The following SHANK2 variants were observed in gnomAD, a reference collection of about 807,000 sequenced individuals.
The protein encoded by SHANK2 is SH3 and multiple ankyrin repeat domains 2, also known as SH3 and multiple ankyrin repeat domains protein 2.
In SHANK2, 43 loss-of-function variants were observed where a neutral mutation model predicts 133.7. That is an observed-to-expected ratio of 0.32 (90% CI 0.25 to 0.41). SHANK2 has a LOEUF of 0.41. Ranked by LOEUF, SHANK2 falls within the 10% of genes least tolerant of loss-of-function variation. SHANK2 has a pLI of 1.00. For synonymous variants in SHANK2, 1,017 were observed against 952.8 expected (o/e 1.07, Z -1.24); for missense variants, 1,994 against 2,235.8 (o/e 0.89, Z 2.18).
In SHANK2 at chr11:70,757,252, C is replaced by T. The variant is rs77930841; in HGVS notation, c.1777+41191G>A. Among the ~76,000 whole-genome samples the T allele has an allele frequency of 7.3e-3, 1,118 of 152,350 alleles. 17 individuals carry two copies. Among genetic ancestry groups the T allele is most frequent in the African/African-American group, 0.026 (1,074 of 41,576 alleles). On this transcript the variant is annotated intron_variant, in intron 14 of 25. Coordinates refer to ENST00000601538, the MANE Select transcript of SHANK2 (RefSeq NM_012309.5). ...CCCAGCTTTGCCATTTATGAGCTGG[C>T]TGACCTTGAGCAAGGGGCTTACACT...
intron 17 of SHANK2, among the ~76,000 whole-genome samples, chr11:70,524,554 A>G (rs2059372156): frequency 6.6e-6 from 1 of 152,222 alleles, no homozygotes; most frequent in Non-Finnish European, 1.5e-5. Flanking sequence ...CCAGTGGTCC[A>G]CATGCACAGC....
At chr11:70,629,016 A>G (rs1555001038) in intron 17 of SHANK2, among the ~76,000 whole-genome samples, 2 of 152,206 alleles carry the variant, frequency 1.3e-5, no homozygotes, top group African/African-American at 4.8e-5. Context: ...AGTTGATTCC[A>G]GCCTGGGAGG....
chr11:70,474,423 C>T (rs1210416049), intron 25 of SHANK2: 1 of 152,292 alleles, frequency 6.6e-6, no homozygotes, highest in Non-Finnish European at 1.5e-5. Context: ...TTACTGGCCC[C>T]AGGGTGGTGG....
intron 10 of SHANK2, chr11:70,908,115 A>G: frequency 3.7e-6 from 1 of 268,882 alleles, no homozygotes; most frequent in South Asian, 3.6e-5. Context: ...GAAAAAAAAA[A>G]TCTTAATAAA....
chr11:70,801,442 C>T (rs782490011), intron 13 of SHANK2, among the ~76,000 whole-genome samples: 37 of 152,200 alleles, frequency 2.4e-4, no homozygotes, highest in Admixed American at 1.1e-3. Flanking sequence ...CCTGCTGGTC[C>T]TCTTCAGAGA....
intron 2 of SHANK2, among the ~76,000 whole-genome samples, chr11:71,165,305 A>G (rs541968384): frequency 6.6e-6 from 1 of 152,148 alleles, no homozygotes; most frequent in Non-Finnish European, 1.5e-5. Context: ...AAGTGCTGAG[A>G]TTACAGGCAT....
intron 12 of SHANK2, among the ~76,000 whole-genome samples, chr11:70,820,074 G>T (rs113751114): frequency 6.6e-6 from 1 of 152,258 alleles, no homozygotes; most frequent in African/African-American, 2.4e-5. Context: ...AACAGGACCC[G>T]AGAGGCCAGC....
intron 16 of SHANK2, among the ~76,000 whole-genome samples, chr11:70,660,993 C>T (rs1555013097): frequency 2.6e-5 from 4 of 152,242 alleles, no homozygotes; most frequent in Non-Finnish European, 5.9e-5. Flanking sequence ...GGCAGGTGCA[C>T]CGCCATGGAC....
chr11:71,151,824 G>T (rs373411592), intron 2 of SHANK2, among the ~76,000 whole-genome samples: 2 of 152,282 alleles, frequency 1.3e-5, no homozygotes, highest in Non-Finnish European at 2.9e-5. Context: ...GCTTCCAGGG[G>T]TGCATGTGTA....
intron 11 of SHANK2, among the ~76,000 whole-genome samples, chr11:70,850,849 C>T (rs1370376983): frequency 3.9e-5 from 6 of 152,228 alleles, no homozygotes; most frequent in East Asian, 1.9e-4. Context: ...AACAAGTACC[C>T]GAGAGTCCTG....
At chr11:70,793,710 G>T (rs1947846167) in intron 14 of SHANK2, among the ~76,000 whole-genome samples, 1 of 152,132 alleles carries the variant, frequency 6.6e-6, no homozygotes, top group Non-Finnish European at 1.5e-5. Context: ...GGAGCAACTG[G>T]AACTCTCACA....
At chr11:71,057,045 A>G (rs1590872851) in intron 9 of SHANK2, among the ~76,000 whole-genome samples, 1 of 152,124 alleles carries the variant, frequency 6.6e-6, no homozygotes, top group African/African-American at 2.4e-5. Flanking sequence ...TCCCAAAACA[A>G]TAATATTGGC....
At chr11:71,217,213 A>G (rs574098304) in intron 2 of SHANK2, among the ~76,000 whole-genome samples, 2 of 151,778 alleles carry the variant, frequency 1.3e-5, no homozygotes, top group African/African-American at 4.8e-5. Context: ...AAAATAAGAG[A>G]GTAAACTAGG....
At chr11:70,744,974 A>G (rs1297015244) in intron 14 of SHANK2, among the ~76,000 whole-genome samples, 1 of 152,230 alleles carries the variant, frequency 6.6e-6, no homozygotes, top group African/African-American at 2.4e-5. Flanking sequence ...TGAAGGCACA[A>G]GAGGACAGAC....
chr11:70,584,081 G>T (rs1237361759), intron 17 of SHANK2, among the ~76,000 whole-genome samples: 1 of 152,146 alleles, frequency 6.6e-6, no homozygotes, highest in African/African-American at 2.4e-5. Context: ...TCAATTATCG[G>T]CCGTGATGGC....
chr11:70,738,778 G>A (rs188684600), intron 14 of SHANK2, among the ~76,000 whole-genome samples: 32 of 152,328 alleles, frequency 2.1e-4, no homozygotes, highest in African/African-American at 5.8e-4. Context: ...GAAGCCGCCC[G>A]CCTCTTTGGA....
At position 71,201,244 on chromosome 11, in the gene SHANK2, C is replaced by T. The variant is rs115991501; in HGVS notation, c.-13+23453G>A. Among the ~76,000 whole-genome samples, 1,024 of 152,314 alleles carry T rather than the reference C, an allele frequency of 6.7e-3. 10 individuals carry two copies. The highest frequency in any genetic ancestry group is 0.024 in the African/African-American group (979 of 41,556). ...TCCCCCATATTCCAACTTGACAAAG[C>T]GGTGGAAATCTGAGGCACTGCAAAG... On this transcript the variant is annotated intron_variant, in intron 2 of 25. Coordinates refer to ENST00000601538, the MANE Select transcript of SHANK2 (RefSeq NM_012309.5).
chr11:71,059,667 TG>T (rs1199770132), intron 9 of SHANK2, among the ~76,000 whole-genome samples: 11 of 152,068 alleles, frequency 7.2e-5, no homozygotes, highest in Non-Finnish European at 1.6e-4. Context: ...CACCCCATGA[TG>T]GTGATTATTA....
At chr11:70,637,757 T>A (rs2061124612) in intron 17 of SHANK2, among the ~76,000 whole-genome samples, 1 of 152,214 alleles carries the variant, frequency 6.6e-6, no homozygotes, top group African/African-American at 2.4e-5. Context: ...CAGACCTAGG[T>A]GTCAGACCCC....
Sources: allele counts gnomAD v4.1 joint callset (sites outside exome capture counted in the v4.1 genomes callset), GRCh38; gene constraint gnomAD v4.1.1; transcripts MANE v1.5; gene names NCBI Gene and HGNC (gene_info 2026-07-23, HGNC 2026-07-21).